Variants in SEMA3E observed in about 807,000 individuals in gnomAD.
The protein encoded by SEMA3E is semaphorin 3E.
A neutral mutation model predicts 93.6 loss-of-function variants in SEMA3E; 49 were observed. The ratio of observed to expected loss-of-function variants is 0.52; its 90% confidence interval spans 0.42 to 0.66. The LOEUF is 0.66. SEMA3E is among the 30% of genes least tolerant of loss of function. The pLI is 0.00. For synonymous variants in SEMA3E, 363 were observed against 330.7 expected (o/e 1.10, Z -1.06); for missense variants, 906 against 964.8 (o/e 0.94, Z 0.81).
chr7:83,407,201 C>T lies in SEMA3E; in HGVS notation c.709G>A (p.Glu237Lys). Residue 237 changes from glutamate to lysine, a missense_variant, in exon 7 of 17, where the codon GAA becomes AAA. Glu to Lys is a moderately conservative substitution (Grantham distance 56). Coordinates refer to ENST00000643230, the MANE Select transcript of SEMA3E (RefSeq NM_012431.3). ...FVGSYMIPDN[E>K]DRDDNKVYFF... ...TATACTTTGTTGTCATCTCTGTCTT[C>T]ATTGTCAGGAATCATGTATGAACCT... is the stretch of plus-strand genomic sequence containing the variant. The T allele has an allele frequency of 1.2e-6, 2 of 1,613,372 alleles. No individual in the cohort carries two copies. The highest frequency in any genetic ancestry group is 1.7e-6 in the Non-Finnish European group (2 of 1,179,684).
At chr7:83,564,835 G>A (rs1444142896) in intron 1 of SEMA3E, among the ~76,000 whole-genome samples, 5 of 152,148 alleles carry the variant, frequency 3.3e-5, no homozygotes, top group African/African-American at 1.2e-4. Context: ...AGAAAGTAAT[G>A]ATGGGTTTTA....
At chr7:83,388,459 A>G (rs1462615812) in intron 14 of SEMA3E, among the ~76,000 whole-genome samples, 2 of 151,742 alleles carry the variant, frequency 1.3e-5, no homozygotes, top group African/African-American at 4.8e-5. Flanking sequence ...TTCTAAAATC[A>G]AGAACTCTGG....
intron 1 of SEMA3E, among the ~76,000 whole-genome samples, chr7:83,531,284 GTTTTT>G (rs34372992): frequency 2.5e-5 from 2 of 80,616 alleles, no homozygotes; most frequent in African/African-American, 6.5e-5. Context: ...AAAATTCATA[GTTTTT>G]TTTTTTTTAA....
Position 83,414,059 on chromosome 7 carries a change from G to T in SEMA3E, c.550+4331C>A, listed in dbSNP as rs181940920. On this transcript the variant is annotated intron_variant, in intron 5 of 16. Coordinates refer to ENST00000643230, the MANE Select transcript of SEMA3E (RefSeq NM_012431.3). ...GGATAATGGGCATTCTGCCAAGTGAGAGAGAGAGCGAGCAGCAGCATTGGA... is the reference window on the plus strand; with the variant it reads ...GGATAATGGGCATTCTGCCAAGTGATAGAGAGAGCGAGCAGCAGCATTGGA... Among the ~76,000 whole-genome samples, 52 of 152,280 alleles carry T rather than the reference G, an allele frequency of 3.4e-4. 2 individuals carry two copies. The highest frequency in any genetic ancestry group is 3.1e-3 in the Admixed American group (47 of 15,286).
intron 4 of SEMA3E, among the ~76,000 whole-genome samples, chr7:83,460,670 C>A (rs550717468): frequency 2.8e-5 from 2 of 72,036 alleles, no homozygotes; most frequent in African/African-American, 3.7e-5. Context: ...CATATCTCTG[C>A]GCCCCAATCC....
Position 83,443,799 on chromosome 7 carries a change from T to C in SEMA3E, c.456+22683A>G, listed in dbSNP as rs1789168257. ...TAAAAGTCAACATAATACTCAATTC[T>C]ATTCAGAAGCATCTTTTATTGATTT... On this transcript the variant is annotated intron_variant, in intron 4 of 16. Transcript: ENST00000643230. Among the ~76,000 whole-genome samples the C allele has an allele frequency of 2.0e-5, 3 of 152,070 alleles. No individual in the cohort carries two copies. The South Asian group carries it at 6.2e-4, about 31-fold the overall frequency.
In SEMA3E at chr7:83,400,203, A is replaced by G. The variant is rs1788210769; in HGVS notation, c.1191T>C (p.Tyr397=). ...NGGRYGTTKD[Y]PDDAIRFARS... ...TTGCAAATCGGATGGCATCATCAGG[A>G]TAGTCCTTGGTGGTTCCGTATCTCC... The change falls in exon 11 of 17, where the codon TAT becomes TAC. Residue 397 remains tyrosine, a synonymous_variant. Coordinates refer to ENST00000643230, the MANE Select transcript of SEMA3E (RefSeq NM_012431.3). The G allele has an allele frequency of 1.2e-6, 2 of 1,613,964 alleles. No individual in the cohort carries two copies. The highest frequency in any genetic ancestry group is 1.1e-5 in the South Asian group (1 of 91,070).
chr7:83,465,744 A>G lies in SEMA3E; in HGVS notation c.456+738T>C, dbSNP rs1035788608. On this transcript the variant is annotated intron_variant, in intron 4 of 16. Transcript: ENST00000643230. The stretch of plus-strand genomic sequence containing the variant: ...GAAAAATAACAGATTCTACATGAGT[A>G]TATTGTTTCATATGCTTCAGGGTAA... 2.0e-5 allele frequency among the ~76,000 whole-genome samples: 3 copies of G among 152,184 alleles called. No individual in the cohort carries two copies. In the South Asian group the frequency reaches 6.2e-4, roughly 31 times the overall value.
chr7:83,466,762 G>C (rs1789769460), intron 3 of SEMA3E, among the ~76,000 whole-genome samples, 161 bp from the exon 4 acceptor site: 2 of 152,192 alleles, frequency 1.3e-5, no homozygotes, highest in African/African-American at 4.8e-5. Flanking sequence ...CAAGAACTTG[G>C]AGAAGAAACT....
In SEMA3E at chr7:83,630,902, CTT is replaced by C. The variant is rs1328015615; in HGVS notation, c.115+17524_115+17525del. Reference sequence around the variant, plus strand: ...TATGAATATTTTTAACGCATAAAGTCTTTTGTAAAATTATTTTTTACAGATTA... The same window carrying C: ...TATGAATATTTTTAACGCATAAAGTCTTGTAAAATTATTTTTTACAGATTA... On this transcript the variant is annotated intron_variant, in intron 1 of 16. Coordinates refer to ENST00000643230, the MANE Select transcript of SEMA3E (RefSeq NM_012431.3). Among the ~76,000 whole-genome samples the C allele has an allele frequency of 5.9e-5, 9 of 152,128 alleles. No individual in the cohort carries two copies. The South Asian group carries it at 1.0e-3, about 18-fold the overall frequency.
intron 5 of SEMA3E, among the ~76,000 whole-genome samples, chr7:83,412,015 C>T (rs980433695): frequency 1.3e-5 from 2 of 152,116 alleles, no homozygotes; most frequent in African/African-American, 4.8e-5. Context: ...TGCTGTTTGA[C>T]CACCACAAAC....
At chr7:83,593,624 C>T (rs1001467232) in intron 1 of SEMA3E, among the ~76,000 whole-genome samples, 5 of 151,820 alleles carry the variant, frequency 3.3e-5, no homozygotes, top group African/African-American at 1.2e-4. Context: ...GACAGTGGTG[C>T]CCTTAACTGA....
intron 1 of SEMA3E, among the ~76,000 whole-genome samples, chr7:83,585,740 T>C (rs1375644829): frequency 1.3e-5 from 2 of 152,194 alleles, no homozygotes; most frequent in African/African-American, 4.8e-5. Flanking sequence ...AGGACATCAT[T>C]GGTTTTGTTT....
intron 16 of SEMA3E, among the ~76,000 whole-genome samples, chr7:83,378,250 T>TAA (rs1787696628): frequency 6.6e-6 from 1 of 151,878 alleles, no homozygotes; most frequent in Non-Finnish European, 1.5e-5. Context: ...AATGAATCAT[T>TAA]TTATTTTCTC....
intron 4 of SEMA3E, among the ~76,000 whole-genome samples, chr7:83,435,641 A>G (rs892818786): frequency 6.6e-6 from 1 of 152,092 alleles, no homozygotes; most frequent in African/African-American, 2.4e-5. Flanking sequence ...AAAAAGAAAG[A>G]CAGAAACTAT....
chr7:83,457,193 G>GA (rs932652471), intron 4 of SEMA3E, among the ~76,000 whole-genome samples: 4 of 151,936 alleles, frequency 2.6e-5, no homozygotes, highest in African/African-American at 9.7e-5. Flanking sequence ...GTGAGAGTGA[G>GA]AAAAGAAAAG....
Position 83,367,111 on chromosome 7 carries a change from C to T in SEMA3E, c.*475G>A, listed in dbSNP as rs1301174988. ...CTTAAACAACACTAATAAAATAATC[C>T]TTAAAGAGTACAGAAAGTTCACATG... On this transcript the variant is annotated 3_prime_UTR_variant, in exon 17 of 17. Coordinates refer to ENST00000643230, the MANE Select transcript of SEMA3E (RefSeq NM_012431.3). 5.5e-6 allele frequency: 1 copy of T among 182,238 alleles called. No individual in the cohort carries two copies. The highest frequency in any genetic ancestry group is 1.2e-5 in the Non-Finnish European group (1 of 86,604). The allele number at this position is 182,238 out of a possible 1,614,324, so 11.3% of individuals were successfully genotyped here.
intron 1 of SEMA3E, among the ~76,000 whole-genome samples, chr7:83,594,619 T>A (rs547207764): frequency 1.3e-5 from 2 of 152,154 alleles, no homozygotes; most frequent in African/African-American, 4.8e-5. Flanking sequence ...ATTAGAATAT[T>A]TATTAGTACC....
At chr7:83,563,381 T>G (rs1792077056) in intron 1 of SEMA3E, among the ~76,000 whole-genome samples, 1 of 152,226 alleles carries the variant, frequency 6.6e-6, no homozygotes, top group Non-Finnish European at 1.5e-5. Context: ...ACTGTTAGTA[T>G]TATTGCTTTT....
Sources: allele counts gnomAD v4.1 joint callset (sites outside exome capture counted in the v4.1 genomes callset), GRCh38; gene constraint gnomAD v4.1.1; transcripts MANE v1.5; gene names NCBI Gene and HGNC (gene_info 2026-07-23, HGNC 2026-07-21).